Variants in PBX3 observed in about 807,000 individuals in gnomAD.
The protein encoded by PBX3 is PBX homeobox 3.
PBX3 carries 14 observed loss-of-function variants against 48.5 expected under a neutral mutation model. The ratio of observed to expected loss-of-function variants is 0.29; its 90% confidence interval spans 0.19 to 0.45. PBX3 has a LOEUF of 0.45. Ranked by LOEUF, PBX3 falls within the 20% of genes least tolerant of loss-of-function variation. The pLI, the probability that PBX3 is intolerant of heterozygous loss-of-function variation, is 1.00. For missense variants in PBX3, 386 were observed against 546.7 expected (o/e 0.71, Z 2.93); for synonymous variants, 210 against 200.3 (o/e 1.05, Z -0.41).
At chr9:125,811,006 A>G (rs960972946) in intron 2 of PBX3, among the ~76,000 whole-genome samples, 10 of 152,130 alleles carry the variant, frequency 6.6e-5, no homozygotes, top group Non-Finnish European at 1.3e-4. Context: ...AAGCTCCCTA[A>G]TATCTTTTAT....
chr9:125,894,306 A>G (rs1283410659), intron 2 of PBX3, among the ~76,000 whole-genome samples: 1 of 152,180 alleles, frequency 6.6e-6, no homozygotes, highest in Admixed American at 6.5e-5. Context: ...TGTTTTCGAC[A>G]GTAAATTACT....
At chr9:125,765,716 T>C (rs1836786217) in intron 2 of PBX3, among the ~76,000 whole-genome samples, 1 of 152,240 alleles carries the variant, frequency 6.6e-6, no homozygotes, top group Non-Finnish European at 1.5e-5. Flanking sequence ...TGTACTACCA[T>C]TCCCAATTAT....
chr9:125,813,842 A>G (rs912197307), intron 2 of PBX3, among the ~76,000 whole-genome samples: 4 of 151,086 alleles, frequency 2.6e-5, no homozygotes, highest in African/African-American at 4.9e-5. Flanking sequence ...AATCTACTCA[A>G]TGAAAAGATC....
intron 2 of PBX3, among the ~76,000 whole-genome samples, chr9:125,830,080 A>T (rs1422750701): frequency 6.6e-6 from 1 of 152,186 alleles, no homozygotes; most frequent in Non-Finnish European, 1.5e-5. Flanking sequence ...AAGTGAAAGG[A>T]AAAATTTATC....
At chr9:125,908,984 C>T (rs1841141039) in intron 2 of PBX3, among the ~76,000 whole-genome samples, 1 of 152,062 alleles carries the variant, frequency 6.6e-6, no homozygotes, top group African/African-American at 2.4e-5. Flanking sequence ...CTGTCTCATG[C>T]AAGCATAGCA....
intron 2 of PBX3, among the ~76,000 whole-genome samples, chr9:125,877,212 A>G (rs1160593018): frequency 6.6e-6 from 1 of 152,226 alleles, no homozygotes; most frequent in Non-Finnish European, 1.5e-5. Flanking sequence ...TGTTGAATGA[A>G]TGCACATTGA....
intron 2 of PBX3, among the ~76,000 whole-genome samples, chr9:125,894,380 G>T (rs1235122266): frequency 6.6e-6 from 1 of 152,002 alleles, no homozygotes; most frequent in Non-Finnish European, 1.5e-5. Context: ...TTAATGTTTT[G>T]ATCTAGGATA....
intron 2 of PBX3, among the ~76,000 whole-genome samples, chr9:125,905,891 C>T (rs555414807): frequency 6.6e-6 from 1 of 152,008 alleles, no homozygotes; most frequent in East Asian, 1.9e-4. Flanking sequence ...TGCCATTGTC[C>T]TTTGCATGTC....
intron 2 of PBX3, among the ~76,000 whole-genome samples, chr9:125,749,973 C>T (rs1245031967): frequency 6.6e-6 from 1 of 152,140 alleles, no homozygotes; most frequent in African/African-American, 2.4e-5. Context: ...TCTTGAATTA[C>T]TAACTTTTAT....
intron 2 of PBX3, among the ~76,000 whole-genome samples, chr9:125,902,575 A>G (rs543039287): frequency 1.3e-5 from 2 of 151,848 alleles, no homozygotes; most frequent in South Asian, 4.1e-4. Context: ...CCTCATTTAA[A>G]ACACGCACAA....
At position 125,785,472 on chromosome 9, in the gene PBX3, C is replaced by T. The variant is rs151304028; in HGVS notation, c.274+36849C>T. Among the ~76,000 whole-genome samples, 119 of 152,310 alleles carry T rather than the reference C, an allele frequency of 7.8e-4. 1 individual carries two copies. Among genetic ancestry groups the T allele is most frequent in the African/African-American group, 2.6e-3 (110 of 41,566 alleles). On this transcript the variant is annotated intron_variant, in intron 2 of 8. Transcript: ENST00000373489. ...GGACATCAGACTCCAGGTTCTTCGGCCTTTGGACTCTTGGACTTACATCAG... is the reference window on the plus strand; with the variant it reads ...GGACATCAGACTCCAGGTTCTTCGGTCTTTGGACTCTTGGACTTACATCAG...
intron 5 of PBX3, among the ~76,000 whole-genome samples, chr9:125,940,975 A>T (rs1841947867): frequency 6.6e-6 from 1 of 152,210 alleles, no homozygotes; most frequent in Non-Finnish European, 1.5e-5. Context: ...TTGACTAAAA[A>T]GTTTACTTTC....
intron 2 of PBX3, among the ~76,000 whole-genome samples, chr9:125,895,007 A>G (rs560691544): frequency 6.6e-6 from 1 of 152,256 alleles, no homozygotes; most frequent in African/African-American, 2.4e-5. Context: ...TTAAACAGGC[A>G]GAATGGGTCG....
chr9:125,818,423 C>T (rs1212249845), intron 2 of PBX3, among the ~76,000 whole-genome samples: 6 of 151,750 alleles, frequency 4.0e-5, no homozygotes, highest in Non-Finnish European at 8.8e-5. Flanking sequence ...CAGCCTCTGC[C>T]TCCTGGGTTC....
At chr9:125,868,872 C>T (rs527348597) in intron 2 of PBX3, among the ~76,000 whole-genome samples, 8 of 152,106 alleles carry the variant, frequency 5.3e-5, no homozygotes, top group Non-Finnish European at 1.2e-4. Context: ...GAGGAAAGCA[C>T]TTAAAACACA....
intron 5 of PBX3, among the ~76,000 whole-genome samples, chr9:125,948,025 G>A (rs1274578275): frequency 6.6e-6 from 1 of 152,186 alleles, no homozygotes; most frequent in African/African-American, 2.4e-5. Flanking sequence ...ACATAGAACA[G>A]TGCTTCTTAA....
intron 3 of PBX3, among the ~76,000 whole-genome samples, chr9:125,925,232 C>T (rs1057333121): frequency 1.3e-5 from 2 of 152,120 alleles, no homozygotes; most frequent in Non-Finnish European, 2.9e-5. Context: ...CCTAGCATAG[C>T]GTTTCCCGAA....
intron 2 of PBX3, among the ~76,000 whole-genome samples, chr9:125,912,428 A>T (rs537045132): frequency 6.6e-6 from 1 of 152,160 alleles, no homozygotes; most frequent in Non-Finnish European, 1.5e-5. Context: ...GCAGTCGTCT[A>T]TGCAGATGCT....
At chr9:125,760,998 TA>T (rs1006927917) in intron 2 of PBX3, among the ~76,000 whole-genome samples, 1 of 152,206 alleles carries the variant, frequency 6.6e-6, no homozygotes, top group Non-Finnish European at 1.5e-5. Context: ...TCACTGAGAA[TA>T]AAAGGCTTTA....
Sources: allele counts gnomAD v4.1 joint callset (sites outside exome capture counted in the v4.1 genomes callset), GRCh38; gene constraint gnomAD v4.1.1; transcripts MANE v1.5; gene names NCBI Gene and HGNC (gene_info 2026-07-23, HGNC 2026-07-21).